The following ACER1 variants were observed in gnomAD, a reference collection of about 807,000 sequenced individuals.
ACER1 encodes the protein alkaline ceramidase 1.
A neutral mutation model predicts 24.9 loss-of-function variants in ACER1; 28 were observed. The observed-to-expected ratio is 1.13, with a 90% CI of 0.83 to 1.54. ACER1 has a LOEUF of 1.54. Ranked by LOEUF, ACER1 falls within the 40% of genes most tolerant of loss-of-function variation. The pLI is 0.00. For missense variants in ACER1, 352 were observed against 349.3 expected (o/e 1.01, Z -0.06); for synonymous variants, 132 against 131.4 (o/e 1.00, Z -0.03).
At chr19:6,311,339 A>G (rs547405073) in intron 3 of ACER1, among the ~76,000 whole-genome samples, 5 of 151,804 alleles carry the variant, frequency 3.3e-5, no homozygotes, top group African/African-American at 1.2e-4. Flanking sequence ...AGATCAGGAG[A>G]TCGAGACCAG....
upstream of ACER1, among the ~76,000 whole-genome samples, chr19:6,334,903 T>C (rs568520499): frequency 5.3e-5 from 8 of 150,840 alleles, no homozygotes; most frequent in African/African-American, 1.7e-4. Context: ...AGGGTTTTCT[T>C]ACTGAAGCTG....
chr19:6,337,751 C>T (rs1413010731), upstream of ACER1, among the ~76,000 whole-genome samples: 1 of 132,504 alleles, frequency 7.5e-6, no homozygotes, highest in Non-Finnish European at 1.6e-5. Context: ...TCTTGGCTCA[C>T]TGCAAGCTCC....
the ACER1 span, among the ~76,000 whole-genome samples, chr19:6,350,060 G>A: frequency 2.0e-5 from 3 of 152,226 alleles, no homozygotes; most frequent in Non-Finnish European, 4.4e-5. Flanking sequence ...GAGTCCAGGA[G>A]TTTGAGGCTG....
chr19:6,316,686 G>T (rs186720252), intron 1 of ACER1, among the ~76,000 whole-genome samples: 71 of 151,854 alleles, frequency 4.7e-4, no homozygotes, highest in Non-Finnish European at 8.1e-4. Context: ...CGAGCATGGT[G>T]GTGCATGCCT....
At chr19:6,350,103 C>T in the ACER1 span, among the ~76,000 whole-genome samples, 1 of 151,914 alleles carries the variant, frequency 6.6e-6, no homozygotes, top group African/African-American at 2.4e-5. Context: ...CGCACTCCAG[C>T]CTGGGTGACA....
the ACER1 span, among the ~76,000 whole-genome samples, chr19:6,358,969 T>C: frequency 2.7e-5 from 4 of 145,854 alleles, no homozygotes; most frequent in Non-Finnish European, 4.5e-5. Context: ...CTGGGCATGA[T>C]GGTTCATGTC....
chr19:6,308,435 C>CA (rs11343156), intron 4 of ACER1, among the ~76,000 whole-genome samples: 1,051 of 103,848 alleles, frequency 0.01, 14 homozygotes, highest in African/African-American at 0.037. Flanking sequence ...GACTCCGTCT[C>CA]AAAAAAAAAA....
upstream of ACER1, among the ~76,000 whole-genome samples, chr19:6,334,473 T>G (rs934756088): frequency 1.3e-5 from 2 of 152,102 alleles, no homozygotes; most frequent in Non-Finnish European, 2.9e-5. Flanking sequence ...GCCTCCCAAG[T>G]AGCTGGGATG....
Position 6,324,858 on chromosome 19 carries a change from A to AAAG in ACER1, c.93+8600_93+8601insCTT, listed in dbSNP as rs1568312201. On this transcript the variant is annotated intron_variant, in intron 1 of 5. Transcript: ENST00000301452. The stretch of plus-strand genomic sequence containing the variant: ...GAAGGAAGGAAGGAAAGAGAGAGAG[A>AAAG]GAAAGGAAGGAAGGAAGGAAGGAAG... Among the ~76,000 whole-genome samples the AAAG allele has an allele frequency of 1.5e-4, 19 of 130,984 alleles. 1 individual carries two copies. The highest frequency in any genetic ancestry group is 4.8e-4 in the African/African-American group (16 of 33,574). The allele number at this position is 130,984 out of a possible 152,430, so 85.9% of individuals were successfully genotyped here.
the ACER1 span, among the ~76,000 whole-genome samples, chr19:6,348,027 G>A: frequency 8.1e-4 from 110 of 136,408 alleles, 6 homozygotes; most frequent in South Asian, 0.026. Flanking sequence ...TGGGATTGCA[G>A]GCTTGAGCCA....
In ACER1 at chr19:6,315,761, C is replaced by T. The variant is rs186111871; in HGVS notation, c.94-3262G>A. 1.2e-3 allele frequency among the ~76,000 whole-genome samples: 176 copies of T among 152,246 alleles called. 1 individual carries two copies. In the South Asian group the frequency reaches 0.017, roughly 15 times the overall value. On this transcript the variant is annotated intron_variant, in intron 1 of 5. Coordinates refer to ENST00000301452, the MANE Select transcript of ACER1 (RefSeq NM_133492.3). ...AACTCCAGGACTCAAGCAATCCACC[C>T]GCCTTGGCCTCCCAAACTGCTGGGA...
chr19:6,327,981 CAGG>C (rs1485001667), intron 1 of ACER1, among the ~76,000 whole-genome samples: 1 of 150,880 alleles, frequency 6.6e-6, no homozygotes, highest in African/African-American at 2.4e-5. Context: ...GAGGTTGAGA[CAGG>C]AGAATTGCTT....
At position 6,309,901 on chromosome 19, in the gene ACER1, G is replaced by A. The variant is rs1167724023; in HGVS notation, c.351-67C>T. 4 of 1,591,838 alleles carry A rather than the reference G, an allele frequency of 2.5e-6. No homozygotes were observed. In the Admixed American group the frequency reaches 7.0e-5, roughly 28 times the overall value. ...CTGGGATTGTAGGCATGGTCACTTGGAGATCCCGTGGCCCAGGTGGGTGAG... is the reference window on the plus strand; with the variant it reads ...CTGGGATTGTAGGCATGGTCACTTGAAGATCCCGTGGCCCAGGTGGGTGAG... On this transcript the variant is annotated intron_variant, in intron 3 of 5. Transcript: ENST00000301452.
At chr19:6,324,202 G>A (rs1417508677) in intron 1 of ACER1, among the ~76,000 whole-genome samples, 12 of 151,568 alleles carry the variant, frequency 7.9e-5, no homozygotes, top group East Asian at 2.0e-4. Flanking sequence ...GAGCCACCAC[G>A]CCTGGCTATT....
rs745922492 is a variant in ACER1, at chr19:6,312,294, C to T, written c.209-4G>A. The T allele has an allele frequency of 6.8e-6, 11 of 1,613,928 alleles. No individual in the cohort carries two copies. In the South Asian group the frequency reaches 8.8e-5, roughly 13 times the overall value. On this transcript the variant is annotated splice_polypyrimidine_tract_variant and splice_region_variant and intron_variant, in intron 2 of 5. Transcript: ENST00000301452. ...TGGAAATACATGGAGAACAGGCCTG[C>T]AGCGGCAAGGGCAGGCGGTCAGTGG...
At chr19:6,349,468 AGAAG>A in the ACER1 span, among the ~76,000 whole-genome samples, 1 of 125,170 alleles carries the variant, frequency 8.0e-6, no homozygotes, top group Non-Finnish European at 1.7e-5. Flanking sequence ...AAGGAAGGAA[AGAAG>A]GAAGGAAGGA....
chr19:6,323,555 C>T (rs1234640332), intron 1 of ACER1, among the ~76,000 whole-genome samples: 8 of 152,204 alleles, frequency 5.3e-5, no homozygotes, highest in East Asian at 3.8e-4. Flanking sequence ...TCCCCAGCCA[C>T]GTGGAACTGT....
At chr19:6,322,341 C>T (rs976612819) in intron 1 of ACER1, among the ~76,000 whole-genome samples, 1 of 152,156 alleles carries the variant, frequency 6.6e-6, no homozygotes, top group Non-Finnish European at 1.5e-5. Context: ...TAAAAGGATG[C>T]TTTTGATCTA....
chr19:6,351,503 GGAGGA>G, the ACER1 span, among the ~76,000 whole-genome samples: 1 of 151,872 alleles, frequency 6.6e-6, no homozygotes, highest in African/African-American at 2.4e-5. Context: ...GGCTGAGGCA[GGAGGA>G]TCGTTTGAGA....
Sources: gnomAD v4.1 joint callset for allele counts (sites outside exome capture counted in the v4.1 genomes callset) on GRCh38, gnomAD v4.1.1 for gene constraint, MANE v1.5 for transcripts, NCBI Gene and HGNC (gene_info 2026-07-23, HGNC 2026-07-21) for gene names.